PARL: variants seen among roughly 807,000 people sequenced by gnomAD.
PARL encodes presenilin associated rhomboid like, also known as presenilin-associated rhomboid-like protein, mitochondrial.
A neutral mutation model predicts 51.6 loss-of-function variants in PARL; 44 were observed. The ratio of observed to expected loss-of-function variants is 0.85; its 90% confidence interval spans 0.67 to 1.10. The LOEUF is 1.10. Ranked by LOEUF, PARL falls within the 50% of genes least tolerant of loss-of-function variation. The pLI, the probability that PARL is intolerant of heterozygous loss-of-function variation, is 0.00. For synonymous variants in PARL, 172 were observed against 164.0 expected, an observed-to-expected ratio of 1.05 and a Z score of -0.37; for missense variants, 441 against 469.5, an observed-to-expected ratio of 0.94 and a Z score of 0.56.
At chr3:183,840,802 G>A (rs559141423) in intron 6 of PARL, among the ~76,000 whole-genome samples, 162 bp from the exon 7 acceptor site, 12 of 150,792 alleles carry the variant, frequency 8.0e-5, no homozygotes, top group African/African-American at 1.9e-4. Flanking sequence ...TGTGCCTACC[G>A]GGTTCAAGTT....
At chr3:183,832,314 G>C (rs1728035513) in intron 9 of PARL, among the ~76,000 whole-genome samples, 3 of 151,852 alleles carry the variant, frequency 2.0e-5, no homozygotes, top group African/African-American at 7.3e-5. Flanking sequence ...TGCCTTCTGG[G>C]TTCACACCAT....
intron 4 of PARL, among the ~76,000 whole-genome samples, chr3:183,850,615 T>G (rs1174779303): frequency 1.3e-5 from 2 of 152,148 alleles, no homozygotes; most frequent in African/African-American, 4.8e-5. Context: ...CTTCTCAAAC[T>G]CTTTCAAAAA....
chr3:183,861,137 C>G, intron 4 of PARL: 1 of 371,274 alleles, frequency 2.7e-6, no homozygotes, highest in Non-Finnish European at 3.7e-6. Flanking sequence ...ATAAAAGAAG[C>G]AAGCAAACAA....
chr3:183,882,246 TATA>T (rs1560442219), intron 1 of PARL, among the ~76,000 whole-genome samples: 1 of 14,372 alleles, frequency 7.0e-5, no homozygotes, highest in Non-Finnish European at 1.7e-4. Context: ...TATATATATT[TATA>T]TATATATATA....
chr3:183,834,615 G>A (rs1402323731), intron 7 of PARL, among the ~76,000 whole-genome samples: 1 of 152,150 alleles, frequency 6.6e-6, no homozygotes, highest in Non-Finnish European at 1.5e-5. Context: ...GGAAGCTTTT[G>A]GGATGAATAT....
Position 183,833,764 on chromosome 3 carries a change from G to C in PARL, c.890C>G (p.Ala297Gly), listed in dbSNP as rs554169588. The C allele has an allele frequency of 9.3e-6, 15 of 1,613,330 alleles. No individual in the cohort carries two copies. In the Admixed American group the frequency reaches 1.2e-4, roughly 13 times the overall value. ...CGTGAACATCGGAAGGAAAATAATGGCAAGCCTCCCTTCTGGGATCTTAGT... is the reference window on the plus strand; with the variant it reads ...CGTGAACATCGGAAGGAAAATAATGCCAAGCCTCCCTTCTGGGATCTTAGT... ...VCTKIPEGRL[A>G]IIFLPMFTFT... Residue 297 changes from alanine to glycine, a missense_variant, in exon 8 of 10, where the codon GCC (alanine) becomes GGC (glycine). Transcript: ENST00000317096.
At chr3:183,854,355 G>A (rs1018298757) in intron 4 of PARL, among the ~76,000 whole-genome samples, 1 of 152,074 alleles carries the variant, frequency 6.6e-6, no homozygotes, top group African/African-American at 2.4e-5. Context: ...TCCATCAATA[G>A]GTGAATGGAT....
chr3:183,842,553 T>C (rs1246387779), intron 5 of PARL, 106 bp from the exon 6 acceptor site: 5 of 1,040,826 alleles, frequency 4.8e-6, no homozygotes, highest in South Asian at 2.6e-5. Flanking sequence ...CTCACGCCTG[T>C]AATCCCAGCA....
chr3:183,882,386 T>C (rs1433411548), intron 1 of PARL, among the ~76,000 whole-genome samples: 3 of 108,092 alleles, frequency 2.8e-5, no homozygotes, highest in Non-Finnish European at 3.6e-5. Flanking sequence ...CATATATACA[T>C]ATATATGCAC....
intron 4 of PARL, among the ~76,000 whole-genome samples, chr3:183,854,738 T>C (rs1373802708): frequency 6.9e-6 from 1 of 145,702 alleles, no homozygotes; most frequent in Non-Finnish European, 1.5e-5. Context: ...ATGTTTTTTT[T>C]TTTTACAATT....
chr3:183,878,223 G>A (rs779000081), intron 1 of PARL, among the ~76,000 whole-genome samples: 2 of 152,074 alleles, frequency 1.3e-5, no homozygotes, highest in African/African-American at 2.4e-5. Flanking sequence ...GTAGTCTAGC[G>A]GGGGCTTCTA....
At chr3:183,836,131 T>C (rs12696510) in intron 7 of PARL, among the ~76,000 whole-genome samples, 104,659 of 148,738 alleles carry the variant, frequency 0.7, 37,258 homozygotes, top group East Asian at 0.96. Context: ...GCAGGAGAAT[T>C]GCTTGAACCC....
intron 7 of PARL, among the ~76,000 whole-genome samples, chr3:183,839,051 G>A (rs993862926): frequency 7.9e-5 from 12 of 152,080 alleles, no homozygotes; most frequent in African/African-American, 1.9e-4. Flanking sequence ...AATATGATTC[G>A]AAATATATAA....
At chr3:183,828,265 G>A (rs1439594358), downstream of PARL, among the ~76,000 whole-genome samples, 3 of 152,234 alleles carry the variant, frequency 2.0e-5, no homozygotes, top group Admixed American at 6.5e-5. Context: ...CCCAAAGCAC[G>A]ATGTGAATTA....
chr3:183,850,766 T>C (rs1019026747), intron 4 of PARL, among the ~76,000 whole-genome samples: 5 of 152,152 alleles, frequency 3.3e-5, no homozygotes, highest in Admixed American at 6.6e-5. Flanking sequence ...AATCCAGCCA[T>C]ATATAAAAAG....
intron 4 of PARL, chr3:183,846,566 A>G: frequency 1.0e-6 from 1 of 985,414 alleles, no homozygotes; most frequent in Non-Finnish European, 1.2e-6. Context: ...AACACTGCTA[A>G]GTTTTCAATC....
intron 3 of PARL, among the ~76,000 whole-genome samples, chr3:183,864,813 T>A (rs546942696): frequency 1.0e-3 from 156 of 148,996 alleles, no homozygotes; most frequent in African/African-American, 3.7e-3. Flanking sequence ...ATGTTTTATC[T>A]AAAAGCAAAC....
chr3:183,884,760 G>T lies in PARL; in HGVS notation c.87C>A (p.Leu29=). 1 of 1,580,822 alleles carries T rather than the reference G, an allele frequency of 6.3e-7. No homozygotes were observed. The change falls in exon 1 of 10, where the codon CTC becomes CTA. Residue 29 remains leucine (L), a synonymous_variant. Transcript: ENST00000317096. ...ASVGGRSCEE[L]TAVLTPPQLL... ...GCTGCGGCGGGGTTAGGACCGCAGTGAGCTCCTCGCAGCTGCGGCCGCCCA... is the reference window on the plus strand; with the variant it reads ...GCTGCGGCGGGGTTAGGACCGCAGTTAGCTCCTCGCAGCTGCGGCCGCCCA...
At chr3:183,876,850 C>T (rs1164882361) in intron 1 of PARL, among the ~76,000 whole-genome samples, 2 of 152,088 alleles carry the variant, frequency 1.3e-5, no homozygotes, top group Non-Finnish European at 2.9e-5. Flanking sequence ...GATTACAACA[C>T]TCAAGTATGA....
Sources: allele counts gnomAD v4.1 joint callset (sites outside exome capture counted in the v4.1 genomes callset), GRCh38; gene constraint gnomAD v4.1.1; transcripts MANE v1.5; gene names NCBI Gene and HGNC (gene_info 2026-07-23, HGNC 2026-07-21).